KTN1: variants seen among roughly 807,000 people sequenced by gnomAD.
KTN1 encodes the protein kinectin 1.
KTN1 carries 130 observed loss-of-function variants against 222.5 expected under a neutral mutation model. That is an observed-to-expected ratio of 0.58 (90% confidence interval 0.51 to 0.68). The LOEUF (loss-of-function observed/expected upper bound fraction) is 0.68. KTN1 is among the 30% of genes least tolerant of loss of function. KTN1 has a pLI of 0.00. For synonymous variants in KTN1, 512 were observed against 496.3 expected (o/e 1.03, Z -0.42); for missense variants, 1,508 against 1,500.4 (o/e 1.01, Z -0.08).
Position 55,678,402 on chromosome 14 carries a change from A to G in KTN1, c.3906A>G (p.Gly1302=). The change falls in exon 42 of 44, where the codon GGA becomes GGG. Residue 1302 remains glycine (G), a synonymous_variant. Transcript: ENST00000395314. ...LIQSKIVKAA[G]DTTVIENSDV... is the part of the protein sequence containing the mutation. ...AGTCAAAAATAGTAAAAGCTGCTGG[A>G]GACACTACTGTTATTGAAAATAGTG... is the stretch of plus-strand genomic sequence containing the variant. 3.7e-6 allele frequency: 6 copies of G among 1,612,644 alleles called. No homozygotes were observed. The highest frequency in any genetic ancestry group is 5.1e-6 in the Non-Finnish European group (6 of 1,178,678).
At chr14:55,592,789 AT>A (rs1182137996) in intron 1 of KTN1, among the ~76,000 whole-genome samples, 8 of 152,286 alleles carry the variant, frequency 5.3e-5, no homozygotes, top group South Asian at 4.1e-4. Flanking sequence ...TGTGCTTGGT[AT>A]TTTGAATATG....
rs766630367 is a variant in KTN1, at chr14:55,639,181, T to G, written c.1786-4T>G. On this transcript the variant is annotated splice_region_variant and splice_polypyrimidine_tract_variant and intron_variant, in intron 12 of 43. Transcript: ENST00000395314. The stretch of plus-strand genomic sequence containing the variant: ...TTTATGTTGACACTATTTTTCTTTC[T>G]TAGACCTCCGCTTCAGTTCTAGCAG... The G allele has an allele frequency of 3.8e-6, 6 of 1,596,452 alleles. No individual in the cohort carries two copies. In the African/African-American group the frequency reaches 8.1e-5, roughly 21 times the overall value.
chr14:55,650,474 A>C (rs2042826983), intron 23 of KTN1, 56 bp downstream of exon 23: 1 of 1,511,654 alleles, frequency 6.6e-7, no homozygotes, highest in South Asian at 1.2e-5. Context: ...TTTAGTTAAT[A>C]TCATTTAATT....
intron 2 of KTN1, among the ~76,000 whole-genome samples, chr14:55,615,621 C>A (rs888960327): frequency 2.0e-5 from 3 of 152,076 alleles, no homozygotes; most frequent in Non-Finnish European, 4.4e-5. Context: ...GCATTTGGGA[C>A]ACTGGGGGAT....
chr14:55,617,696 A>T (rs997346012), intron 3 of KTN1, among the ~76,000 whole-genome samples: 3 of 152,230 alleles, frequency 2.0e-5, no homozygotes, highest in Non-Finnish European at 4.4e-5. Flanking sequence ...AAGGATGCAT[A>T]AAAAGTTTTT....
chr14:55,659,152 A>T (rs548813350), intron 30 of KTN1, among the ~76,000 whole-genome samples: 3 of 152,272 alleles, frequency 2.0e-5, no homozygotes, highest in Admixed American at 1.3e-4. Flanking sequence ...GAAACAAATG[A>T]ATTGGAGTCC....
chr14:55,680,523 T>C, intron 43 of KTN1: 1 of 470,076 alleles, frequency 2.1e-6, no homozygotes, highest in Non-Finnish European at 4.4e-6. Context: ...AATCATGATA[T>C]CCTGGAGACC....
intron 28 of KTN1, among the ~76,000 whole-genome samples, chr14:55,655,062 C>A (rs970374498): frequency 1.3e-5 from 2 of 152,238 alleles, no homozygotes; most frequent in African/African-American, 4.8e-5. Context: ...GATCATGGCT[C>A]ACTGCAGCCA....
chr14:55,645,195 C>T (rs1209468721), intron 18 of KTN1, among the ~76,000 whole-genome samples: 3 of 152,110 alleles, frequency 2.0e-5, no homozygotes, highest in Non-Finnish European at 4.4e-5. Flanking sequence ...TGCCAAAGAG[C>T]TAAGAGACAG....
At chr14:55,643,161 C>T (rs150227321) in intron 18 of KTN1, among the ~76,000 whole-genome samples, 8 of 152,234 alleles carry the variant, frequency 5.3e-5, no homozygotes, top group Admixed American at 1.3e-4. Context: ...CTGCCTGCCT[C>T]GGCCTCCCAA....
rs182492159 is a variant in KTN1, at chr14:55,650,667, A to G, written c.2565+30A>G. ...AAATCCCAGAGCCATAGCATGACAG[A>G]TTTATTAGTTGTGTTATTTATGAGC... On this transcript the variant is annotated intron_variant, in intron 24 of 43. Transcript: ENST00000395314. The G allele has an allele frequency of 8.6e-6, 13 of 1,505,178 alleles. 1 individual carries two copies. In the South Asian group the frequency reaches 1.5e-4, roughly 18 times the overall value. The allele number at this position is 1,505,178 out of a possible 1,614,324, so 93.2% of individuals were successfully genotyped here.
chr14:55,679,804 A>T, intron 43 of KTN1, 119 bp downstream of exon 43: 3 of 1,067,854 alleles, frequency 2.8e-6, no homozygotes, highest in Non-Finnish European at 2.8e-6. Context: ...ATCTCTCAGA[A>T]CTTCCAGATG....
chr14:55,644,308 T>A, intron 18 of KTN1: 1 of 692,788 alleles, frequency 1.4e-6, no homozygotes, highest in Non-Finnish European at 2.6e-6. Context: ...AGTTTAGTTA[T>A]GTAAAAATTT....
At chr14:55,659,061 G>A (rs1248403691) in intron 30 of KTN1, among the ~76,000 whole-genome samples, 1 of 152,022 alleles carries the variant, frequency 6.6e-6, no homozygotes, top group East Asian at 1.9e-4. Context: ...AATCAAAAGT[G>A]TGTTTTTATA....
chr14:55,644,465 C>G (rs1246138315), intron 18 of KTN1: 7 of 696,130 alleles, frequency 1.0e-5, no homozygotes, highest in Non-Finnish European at 1.8e-5. Context: ...TGTTGATACC[C>G]TAAAGGAGGG....
chr14:55,657,067 A>G (rs1023737490), intron 29 of KTN1, among the ~76,000 whole-genome samples: 2 of 151,770 alleles, frequency 1.3e-5, no homozygotes, highest in Non-Finnish European at 2.9e-5. Context: ...TCTTGGATTA[A>G]TCTTGCTCAC....
chr14:55,643,860 C>T (rs182733719), intron 18 of KTN1, among the ~76,000 whole-genome samples: 10 of 152,186 alleles, frequency 6.6e-5, no homozygotes, highest in Admixed American at 2.0e-4. Context: ...AATGTTTCTA[C>T]GTACTTTTAG....
chr14:55,604,057 A>C (rs2036380148), intron 1 of KTN1, among the ~76,000 whole-genome samples: 1 of 152,174 alleles, frequency 6.6e-6, no homozygotes, highest in Admixed American at 6.5e-5. Context: ...ACCCTTCCCT[A>C]GTCAGACCCC....
intron 1 of KTN1, among the ~76,000 whole-genome samples, chr14:55,587,222 C>T (rs1209784519): frequency 2.0e-5 from 3 of 152,080 alleles, no homozygotes; most frequent in Non-Finnish European, 4.4e-5. Flanking sequence ...GCTTTACTTG[C>T]CATCCTTTAT....
Sources: gnomAD v4.1 joint callset for allele counts (sites outside exome capture counted in the v4.1 genomes callset) on GRCh38, gnomAD v4.1.1 for gene constraint, MANE v1.5 for transcripts, NCBI Gene and HGNC (gene_info 2026-07-23, HGNC 2026-07-21) for gene names.